Variants in SH3D19 observed in about 807,000 individuals in gnomAD.
SH3D19 encodes SH3 domain-containing protein 19.
Under a neutral mutation model 112.1 loss-of-function variants are expected in SH3D19, and 58 were observed. The observed-to-expected ratio is 0.52, with a 90% confidence interval of 0.42 to 0.64. The LOEUF (loss-of-function observed/expected upper bound fraction) is 0.64. Ranked by LOEUF, SH3D19 falls within the 30% of genes least tolerant of loss-of-function variation. The probability of loss-of-function intolerance (pLI) is 0.00; values close to 1 mark genes in which losing one functional copy is unlikely to be tolerated. For missense variants in SH3D19, 1,090 were observed against 1,263.4 expected (o/e 0.86, Z 2.08); for synonymous variants, 391 against 448.5 (o/e 0.87, Z 1.62).
rs1579576874 is a variant in SH3D19 at position 151,121,943 on chromosome 4, G to T, written c.*148C>A. 1.9e-6 allele frequency: 1 copy of T among 517,142 alleles called. No individual in the cohort carries two copies. The highest frequency in any genetic ancestry group is 3.3e-6 in the Non-Finnish European group (1 of 303,858). The allele number at this position is 517,142 out of a possible 1,614,324, so 32.0% of individuals were successfully genotyped here. A position where few individuals can be genotyped will look rare whatever the true frequency, so the allele number is the denominator to read the frequency against. On this transcript the variant is annotated 3_prime_UTR_variant, in exon 20 of 20. Coordinates refer to ENST00000604030, the MANE Select transcript of SH3D19 (RefSeq NM_001378122.1). ...TGAAAATTAACTACAAAATCTGAAC[G>T]TTTTCTGCTTTCAGAAAATTCTAGT... is the stretch of plus-strand genomic sequence containing the variant.
At position 151,294,190 on chromosome 4, in the gene SH3D19, GA is replaced by G. The variant is rs554145291; in HGVS notation, c.112+31050del. Among the ~76,000 whole-genome samples the G allele has an allele frequency of 4.4e-3, 664 of 152,182 alleles. 6 individuals are homozygous for G. Among genetic ancestry groups the G allele is most frequent in the Non-Finnish European group, 6.9e-3 (470 of 68,006 alleles). On this transcript the variant is annotated intron_variant, in intron 1 of 19. Coordinates refer to ENST00000604030, the MANE Select transcript of SH3D19 (RefSeq NM_001378122.1). The stretch of plus-strand genomic sequence containing the variant: ...TGTATCCTAGTCTCAATAATTTGTT[GA>G]AAAAAATCAATGAGTAATATTCAGC...
intron 9 of SH3D19, among the ~76,000 whole-genome samples, chr4:151,155,657 G>A (rs185946853): frequency 3.3e-5 from 5 of 152,230 alleles, no homozygotes; most frequent in Admixed American, 1.3e-4. Flanking sequence ...AGGCCGAGGC[G>A]GATGGACCAT....
At chr4:151,152,279 G>A (rs1024222812) in intron 9 of SH3D19, among the ~76,000 whole-genome samples, 6 of 152,214 alleles carry the variant, frequency 3.9e-5, no homozygotes, top group Middle Eastern at 3.4e-3. Context: ...CTTCCTCCTC[G>A]TGGGTATTCC....
chr4:151,147,965 G>T lies in SH3D19; in HGVS notation c.2039C>A (p.Pro680His). 1 of 1,613,960 alleles carries T rather than the reference G, an allele frequency of 6.2e-7. No homozygotes were observed. The highest frequency in any genetic ancestry group is 8.5e-7 in the Non-Finnish European group (1 of 1,179,966). Residue 680 changes from proline (P) to histidine (H), a missense_variant, in exon 11 of 20, where the codon CCC (proline) becomes CAC (histidine). Transcript: ENST00000604030. Reference protein sequence around the residue: ...QVFKNQDPVLPPRPKPGHPLY... With the variant: ...QVFKNQDPVLHPRPKPGHPLY... ...AGGGTGTCCTGGTTTGGGACGAGGG[G>T]GTAGCACCGGATCTTGATTTTTAAA... is the stretch of plus-strand genomic sequence containing the variant.
At chr4:151,284,338 A>G (rs1774534673) in intron 1 of SH3D19, among the ~76,000 whole-genome samples, 1 of 152,012 alleles carries the variant, frequency 6.6e-6, no homozygotes, top group Non-Finnish European at 1.5e-5. Context: ...TTCTGCTGTC[A>G]TTTACATTTT....
chr4:151,277,390 C>T (rs1048868171), intron 1 of SH3D19, among the ~76,000 whole-genome samples: 2 of 152,028 alleles, frequency 1.3e-5, no homozygotes, highest in East Asian at 1.9e-4. Flanking sequence ...CCAATGCTCC[C>T]GATTGGAAAT....
chr4:151,282,709 A>G (rs6850118), intron 1 of SH3D19, among the ~76,000 whole-genome samples: 2,743 of 152,258 alleles, frequency 0.018, 41 homozygotes, highest in Middle Eastern at 0.037. Context: ...AAGTTTGGAG[A>G]GCGTCTAGTG....
At chr4:151,272,764 T>TG (rs1773313812) in intron 1 of SH3D19, among the ~76,000 whole-genome samples, 1 of 138,066 alleles carries the variant, frequency 7.2e-6, no homozygotes, top group African/African-American at 2.8e-5. Flanking sequence ...TTCACTTTTC[T>TG]TTTTTTTTTT....
At chr4:151,237,395 AAAG>A (rs1473791687) in intron 1 of SH3D19, among the ~76,000 whole-genome samples, 1 of 152,238 alleles carries the variant, frequency 6.6e-6, no homozygotes, top group Non-Finnish European at 1.5e-5. Flanking sequence ...CAGCTTACAT[AAAG>A]AAGGTCAGCA....
chr4:151,221,934 C>T (rs927266161), intron 2 of SH3D19, among the ~76,000 whole-genome samples: 1 of 152,106 alleles, frequency 6.6e-6, no homozygotes, highest in Non-Finnish European at 1.5e-5. Flanking sequence ...TTCTTATTTT[C>T]TATTGTATTC....
In SH3D19 at chr4:151,248,325, G is replaced by A. The variant is rs1771100522; in HGVS notation, c.113-22239C>T. Reference sequence around the variant, plus strand: ...GTTTAGGAAAAGTCTAGCTATTTCTGAAATGAACAAAGTGTTTTACCCACA... The same window carrying A: ...GTTTAGGAAAAGTCTAGCTATTTCTAAAATGAACAAAGTGTTTTACCCACA... On this transcript the variant is annotated intron_variant, in intron 1 of 19. Transcript: ENST00000604030. Among the ~76,000 whole-genome samples the A allele has an allele frequency of 2.0e-5, 3 of 152,098 alleles. No individual in the cohort carries two copies. In the South Asian group the frequency reaches 6.2e-4, roughly 32 times the overall value.
intron 1 of SH3D19, among the ~76,000 whole-genome samples, chr4:151,285,307 C>T (rs1056072438): frequency 1.3e-5 from 2 of 152,132 alleles, no homozygotes; most frequent in African/African-American, 4.8e-5. Flanking sequence ...AATATACTTT[C>T]CTCTTAAGTG....
At chr4:151,162,204 G>A (rs531556480) in intron 8 of SH3D19, among the ~76,000 whole-genome samples, 110 of 145,752 alleles carry the variant, frequency 7.5e-4, no homozygotes, top group African/African-American at 2.6e-3. Flanking sequence ...CTGTGTCCAC[G>A]TGTTCTCACT....
intron 1 of SH3D19, among the ~76,000 whole-genome samples, chr4:151,232,828 C>A (rs1213356193): frequency 6.6e-6 from 1 of 152,202 alleles, no homozygotes; most frequent in South Asian, 2.1e-4. Flanking sequence ...ACCAAATTAC[C>A]ACAAACTTAG....
chr4:151,237,197 A>T (rs1055403813), intron 1 of SH3D19, among the ~76,000 whole-genome samples: 3 of 152,172 alleles, frequency 2.0e-5, no homozygotes, highest in Non-Finnish European at 4.4e-5. Context: ...CGCCTTTAAG[A>T]GCTGTAACAC....
chr4:151,150,822 C>T (rs1754916409), intron 9 of SH3D19, among the ~76,000 whole-genome samples: 1 of 151,962 alleles, frequency 6.6e-6, no homozygotes, highest in African/African-American at 2.4e-5. Context: ...GTTTTCTGAA[C>T]ATGTTATAGC....
chr4:151,177,982 G>A (rs574524600), intron 4 of SH3D19, among the ~76,000 whole-genome samples: 1 of 152,302 alleles, frequency 6.6e-6, no homozygotes, highest in East Asian at 1.9e-4. Flanking sequence ...AGGCTGGAGT[G>A]CAGTGGCACA....
At chr4:151,319,579 T>C (rs1260192284) in intron 1 of SH3D19, among the ~76,000 whole-genome samples, 2 of 152,218 alleles carry the variant, frequency 1.3e-5, no homozygotes, top group Non-Finnish European at 2.9e-5. Context: ...TGACATCTTA[T>C]ATGAATCAAC....
chr4:151,229,897 G>A (rs1195340618), intron 1 of SH3D19, among the ~76,000 whole-genome samples: 6 of 152,056 alleles, frequency 3.9e-5, no homozygotes, highest in East Asian at 1.9e-4. Context: ...CCTGGGTGAC[G>A]GAGTGAAACT....
Sources: gnomAD v4.1 joint callset for allele counts (sites outside exome capture counted in the v4.1 genomes callset) on GRCh38, gnomAD v4.1.1 for gene constraint, MANE v1.5 for transcripts, NCBI Gene and HGNC (gene_info 2026-07-23, HGNC 2026-07-21) for gene names.